Variants in FER observed in about 807,000 individuals in gnomAD.
FER encodes tyrosine-protein kinase Fer.
In FER, 63 loss-of-function variants were observed where a neutral mutation model predicts 111.0. The ratio of observed to expected loss-of-function variants is 0.57; its 90% CI spans 0.46 to 0.70. The LOEUF is 0.70. Ranked by LOEUF, FER falls within the 30% of genes least tolerant of loss-of-function variation. FER has a pLI of 0.00. For synonymous variants in FER, 327 were observed against 313.9 expected, an observed-to-expected ratio of 1.04 and a Z score of -0.44; for missense variants, 914 against 954.0, an observed-to-expected ratio of 0.96 and a Z score of 0.55.
In FER at chr5:109,196,288, G is replaced by GC. The variant is rs1298421608; in HGVS notation, c.*8716dup. 2 of 152,236 alleles carry GC rather than the reference G, an allele frequency of 1.3e-5. No individual in the cohort carries two copies. Among genetic ancestry groups the GC allele is most frequent in the African/African-American group, 4.8e-5 (2 of 41,456 alleles). 9.4% of individuals were successfully genotyped at this position (152,236 alleles called of 1,614,324 possible). A position where few individuals can be genotyped will look rare whatever the true frequency, so the allele number is the denominator to read the frequency against. ...TTTGAGATGATGGAGTAGGAGTGGG[G>GC]CCCTCAGGCACTTCTGGTAAAGACA... On this transcript the variant is annotated 3_prime_UTR_variant, in exon 20 of 20. Transcript: ENST00000281092.
intron 16 of FER, among the ~76,000 whole-genome samples, chr5:109,054,441 A>G (rs1453340852): frequency 2.0e-5 from 3 of 152,208 alleles, no homozygotes; most frequent in Non-Finnish European, 4.4e-5. Context: ...CAAGTGTCCA[A>G]ATCGTCTTGC....
chr5:109,146,244 A>ATATATATT (rs373376729), intron 17 of FER, among the ~76,000 whole-genome samples: 1 of 67,314 alleles, frequency 1.5e-5, no homozygotes, highest in Non-Finnish European at 3.1e-5. Flanking sequence ...ATATATATAT[A>ATATATATT]ATCTATCTAA....
At chr5:108,972,163 T>C (rs972671670) in intron 13 of FER, among the ~76,000 whole-genome samples, 2 of 151,882 alleles carry the variant, frequency 1.3e-5, no homozygotes, top group African/African-American at 2.4e-5. Flanking sequence ...ACAAGGATTA[T>C]TAGTGTTTGT....
chr5:109,079,228 A>G (rs1295635367), intron 16 of FER, among the ~76,000 whole-genome samples: 2 of 152,150 alleles, frequency 1.3e-5, no homozygotes, highest in African/African-American at 4.8e-5. Flanking sequence ...AGATGCTGTG[A>G]TTATGGAAAT....
At chr5:108,773,275 A>G (rs1753125962) in intron 2 of FER, among the ~76,000 whole-genome samples, 1 of 152,044 alleles carries the variant, frequency 6.6e-6, no homozygotes, top group South Asian at 2.1e-4. Context: ...TTCGCTGCAC[A>G]GATCATCCCA....
At chr5:108,844,146 GTGTGTGAACATATATA>G (rs748056040) in intron 5 of FER, among the ~76,000 whole-genome samples, 1,595 of 150,138 alleles carry the variant, frequency 0.011, 47 homozygotes, top group Non-Finnish European at 0.017. Context: ...ACATATATGT[GTGTGTGAACATATATA>G]TGTGTGAACA....
chr5:108,762,030 C>T (rs1751812927), intron 1 of FER, among the ~76,000 whole-genome samples: 1 of 152,126 alleles, frequency 6.6e-6, no homozygotes, highest in African/African-American at 2.4e-5. Context: ...CCTGCCTCAG[C>T]CTCCCAAGTA....
chr5:109,087,597 T>A lies in FER; in HGVS notation c.1925-12799T>A, dbSNP rs1468828860. ...CCTCTGCTTGTGTGTGTTTTTTTAA[T>A]CTCTGAACATATTCTTGGAGGTATA... On this transcript the variant is annotated intron_variant, in intron 16 of 19. Transcript: ENST00000281092. 2.0e-5 allele frequency among the ~76,000 whole-genome samples: 3 copies of A among 151,876 alleles called. No homozygotes were observed. In the East Asian group the frequency reaches 5.8e-4, roughly 29 times the overall value.
At chr5:108,879,594 T>C (rs1765431507) in intron 8 of FER, among the ~76,000 whole-genome samples, 1 of 150,676 alleles carries the variant, frequency 6.6e-6, no homozygotes, top group African/African-American at 2.5e-5. Context: ...CAAATGTTTT[T>C]CTCTTCACTT....
In FER at chr5:108,811,104, G is replaced by A. The variant is rs191108557; in HGVS notation, c.207+12715G>A. ...TGCCCCACAATCTATGTCCAGGAAG[G>A]GTAGGGCATCCCAGGCTGCTGAACC... On this transcript the variant is annotated intron_variant, in intron 3 of 19. Coordinates refer to ENST00000281092, the MANE Select transcript of FER (RefSeq NM_005246.4). 4.3e-4 allele frequency among the ~76,000 whole-genome samples: 65 copies of A among 152,182 alleles called. 1 individual carries two copies. Among genetic ancestry groups the A allele is most frequent in the Admixed American group, 3.3e-3 (50 of 15,278 alleles).
chr5:109,010,301 GCGCC>G (rs1766077905), intron 13 of FER, among the ~76,000 whole-genome samples: 1 of 152,076 alleles, frequency 6.6e-6, no homozygotes, highest in Admixed American at 6.6e-5. Flanking sequence ...GAGACTACAG[GCGCC>G]CGCCACCACG....
chr5:108,958,794 T>C (rs1229091219), intron 12 of FER, among the ~76,000 whole-genome samples: 1 of 151,868 alleles, frequency 6.6e-6, no homozygotes, highest in Non-Finnish European at 1.5e-5. Context: ...TCTTTCCTTA[T>C]ATTTTTGACA....
At chr5:109,042,152 G>T (rs542840541) in intron 14 of FER, among the ~76,000 whole-genome samples, 22 of 152,272 alleles carry the variant, frequency 1.4e-4, no homozygotes, top group African/African-American at 4.8e-4. Flanking sequence ...GAGGGGGCTG[G>T]AGAGGGAGAA....
At chr5:108,775,437 T>C (rs1164082658) in intron 2 of FER, among the ~76,000 whole-genome samples, 1 of 152,212 alleles carries the variant, frequency 6.6e-6, no homozygotes, top group African/African-American at 2.4e-5. Flanking sequence ...TGCCTGTTGA[T>C]TTATATCAAT....
chr5:109,103,613 G>A (rs1438966382), intron 17 of FER, among the ~76,000 whole-genome samples: 1 of 152,098 alleles, frequency 6.6e-6, no homozygotes, highest in African/African-American at 2.4e-5. Flanking sequence ...TGGAATTTTG[G>A]GTTAGTTTTA....
chr5:109,184,053 C>T (rs929319946), intron 18 of FER, among the ~76,000 whole-genome samples: 1 of 152,070 alleles, frequency 6.6e-6, no homozygotes, highest in Non-Finnish European at 1.5e-5. Context: ...TATATTGCTA[C>T]CATCCTTAGT....
At chr5:108,927,064 G>T (rs905377446) in intron 10 of FER, among the ~76,000 whole-genome samples, 3 of 151,824 alleles carry the variant, frequency 2.0e-5, no homozygotes, top group African/African-American at 7.3e-5. Flanking sequence ...TATTGATATT[G>T]TATTATGTGT....
intron 10 of FER, among the ~76,000 whole-genome samples, chr5:108,900,852 C>G (rs114249888): frequency 1.6e-3 from 251 of 152,208 alleles, no homozygotes; most frequent in Non-Finnish European, 3.2e-3. Flanking sequence ...TTGTCTTAGT[C>G]TTGATGTTTA....
chr5:108,881,919 C>A (rs1210842432), intron 8 of FER, among the ~76,000 whole-genome samples: 1 of 152,032 alleles, frequency 6.6e-6, no homozygotes, highest in Non-Finnish European at 1.5e-5. Flanking sequence ...CAATTCAGTT[C>A]ATGGAACATA....
Sources: gnomAD v4.1 joint callset for allele counts (sites outside exome capture counted in the v4.1 genomes callset) on GRCh38, gnomAD v4.1.1 for gene constraint, MANE v1.5 for transcripts, NCBI Gene and HGNC (gene_info 2026-07-23, HGNC 2026-07-21) for gene names.